Variants in NREP observed in about 807,000 individuals in gnomAD.
NREP encodes neuronal regeneration related protein.
A neutral mutation model predicts 8.6 loss-of-function variants in NREP; 5 were observed. The observed-to-expected ratio is 0.58, with a 90% CI of 0.30 to 1.22. NREP has a LOEUF of 1.22. Among genes scored for constraint, NREP ranks in the 50% most tolerant of loss-of-function variants. NREP has a pLI of 0.07. For synonymous variants in NREP, 27 were observed against 28.0 expected (o/e 0.96, Z 0.11); for missense variants, 86 against 82.5 (o/e 1.04, Z -0.17).
chr5:111,793,446 T>C (rs567317551), intron 2 of NREP, among the ~76,000 whole-genome samples: 51 of 152,088 alleles, frequency 3.4e-4, no homozygotes, highest in African/African-American at 1.2e-3. Context: ...GAGAAGATAA[T>C]TGTCTCAGTT....
chr5:111,870,633 T>C (rs181320928), intron 2 of NREP, among the ~76,000 whole-genome samples: 250 of 152,246 alleles, frequency 1.6e-3, no homozygotes, highest in African/African-American at 5.9e-3. Context: ...TGTCCTAACC[T>C]CCAGCACCTT....
intron 2 of NREP, among the ~76,000 whole-genome samples, chr5:111,819,818 G>T (rs2112923137): frequency 6.6e-6 from 1 of 152,274 alleles, no homozygotes; most frequent in East Asian, 1.9e-4. Context: ...GAGGCACATT[G>T]TGGCCTTCTT....
At chr5:111,779,071 A>G (rs1499271) in intron 2 of NREP, among the ~76,000 whole-genome samples, 52,934 of 152,026 alleles carry the variant, frequency 0.35, 9,434 homozygotes, top group Middle Eastern at 0.52. Context: ...GAGTACATAA[A>G]CTTATTTGAA....
intron 2 of NREP, among the ~76,000 whole-genome samples, chr5:111,958,232 A>G (rs1409041066): frequency 1.3e-5 from 2 of 151,870 alleles, no homozygotes; most frequent in Non-Finnish European, 2.9e-5. Context: ...AAGAATTAAA[A>G]CAGTTGATGA....
At chr5:111,743,300 A>C (rs1438904903) in intron 2 of NREP, among the ~76,000 whole-genome samples, 1 of 152,004 alleles carries the variant, frequency 6.6e-6, no homozygotes, top group Non-Finnish European at 1.5e-5. Context: ...AGCTTGCAGC[A>C]AAAAGGCCCC....
At chr5:111,866,927 T>C (rs1253262001) in intron 2 of NREP, among the ~76,000 whole-genome samples, 3 of 147,260 alleles carry the variant, frequency 2.0e-5, no homozygotes, top group African/African-American at 2.5e-5. Context: ...TTCTCACTCA[T>C]AGGTGGGAAT....
chr5:111,941,708 G>C (rs1341478644), intron 2 of NREP, among the ~76,000 whole-genome samples: 3 of 152,116 alleles, frequency 2.0e-5, no homozygotes, highest in Admixed American at 1.3e-4. Context: ...TTTCAGACAG[G>C]ACATCTAGGA....
intron 2 of NREP, among the ~76,000 whole-genome samples, chr5:111,971,866 G>A (rs1166075131): frequency 1.3e-5 from 2 of 151,454 alleles, no homozygotes; most frequent in Non-Finnish European, 2.9e-5. Flanking sequence ...TGAAAGCGTG[G>A]GCAGCCAAAG....
At chr5:111,845,991 C>G (rs550510878) in intron 2 of NREP, 188 of 153,248 alleles carry the variant, frequency 1.2e-3, no homozygotes, top group African/African-American at 4.3e-3. Flanking sequence ...AAAAGTACCA[C>G]CAGCTAGAAT....
At chr5:111,908,939 A>ATC (rs1754841475) in intron 2 of NREP, among the ~76,000 whole-genome samples, 1 of 151,988 alleles carries the variant, frequency 6.6e-6, no homozygotes, top group Non-Finnish European at 1.5e-5. Flanking sequence ...GTGAGTTGGT[A>ATC]TCTCACTGTG....
At chr5:111,792,854 A>G (rs551572614) in intron 2 of NREP, among the ~76,000 whole-genome samples, 2 of 152,328 alleles carry the variant, frequency 1.3e-5, no homozygotes, top group East Asian at 3.9e-4. Flanking sequence ...TGTGGCTGGC[A>G]CTTGGTTAAA....
chr5:111,873,172 A>G, intron 2 of NREP, among the ~76,000 whole-genome samples: 1 of 152,332 alleles, frequency 6.6e-6, no homozygotes, highest in Middle Eastern at 3.4e-3. Flanking sequence ...TTAAATATCC[A>G]TTAAAGGATG....
chr5:111,809,899 G>A (rs1752233241), intron 2 of NREP, among the ~76,000 whole-genome samples: 1 of 151,350 alleles, frequency 6.6e-6, no homozygotes, highest in African/African-American at 2.4e-5. Flanking sequence ...GTGTGTGTGT[G>A]TGTGTGTGTG....
downstream of NREP, chr5:111,728,962 G>A (rs1748326303): frequency 6.6e-6 from 1 of 150,444 alleles, no homozygotes; most frequent in South Asian, 2.1e-4. Context: ...ACCACAGAGT[G>A]GGTCTTAATG....
intron 2 of NREP, among the ~76,000 whole-genome samples, chr5:111,827,546 T>C (rs1222992862): frequency 2.0e-5 from 3 of 152,202 alleles, no homozygotes; most frequent in African/African-American, 7.2e-5. Context: ...GCCCTTCAGA[T>C]TGAATAAAAC....
chr5:111,755,799 A>T lies in NREP; in HGVS notation c.-27T>A. 6.2e-7 allele frequency: 1 copy of T among 1,613,844 alleles called. No homozygotes were observed. The highest frequency in any genetic ancestry group is 8.5e-7 in the Non-Finnish European group (1 of 1,179,790). ...TTGAGAATCTTAGTCTTGGGCTTCT[A>T]TTCTCCCTCTCTTCAGTCCAGGGAG... On this transcript the variant is annotated 5_prime_UTR_variant, in exon 2 of 4. Coordinates refer to ENST00000257435, the MANE Select transcript of NREP (RefSeq NM_004772.4).
chr5:111,968,123 T>G (rs1756696457), intron 2 of NREP, among the ~76,000 whole-genome samples: 1 of 152,174 alleles, frequency 6.6e-6, no homozygotes, highest in Admixed American at 6.5e-5. Context: ...CTTTCTTATT[T>G]TCTAAAAGGT....
intron 2 of NREP, among the ~76,000 whole-genome samples, chr5:111,821,697 T>C (rs1354875496): frequency 1.3e-5 from 2 of 152,122 alleles, no homozygotes; most frequent in African/African-American, 4.8e-5. Context: ...CAGAGATGTG[T>C]GTTGAGTTTC....
chr5:111,789,397 A>G (rs901411566), intron 2 of NREP, among the ~76,000 whole-genome samples: 3 of 152,126 alleles, frequency 2.0e-5, no homozygotes, highest in African/African-American at 7.2e-5. Context: ...GTATTATTCC[A>G]CCTAAATAGA....
Sources: gnomAD v4.1 joint callset for allele counts (sites outside exome capture counted in the v4.1 genomes callset) on GRCh38, gnomAD v4.1.1 for gene constraint, MANE v1.5 for transcripts, NCBI Gene and HGNC (gene_info 2026-07-23, HGNC 2026-07-21) for gene names.